Variants in PRDM13 observed in about 807,000 individuals in gnomAD.
PRDM13 encodes the protein PR/SET domain 13.
In PRDM13, 15 loss-of-function variants were observed where a neutral mutation model predicts 36.4. That is an observed-to-expected ratio of 0.41 (90% CI 0.28 to 0.64). The LOEUF (loss-of-function observed/expected upper bound fraction) is 0.64, where lower values mean the gene tolerates loss of function less well. Ranked by LOEUF, PRDM13 falls within the 30% of genes least tolerant of loss-of-function variation. PRDM13 has a pLI of 0.29. For missense variants in PRDM13, 1,044 were observed against 1,013.5 expected (o/e 1.03, Z -0.41); for synonymous variants, 531 against 467.7 (o/e 1.14, Z -1.75).
Position 99,614,658 on chromosome 6 carries a change from G to A in PRDM13, c.2023G>A (p.Glu675Lys). The A allele has an allele frequency of 1.9e-6, 3 of 1,612,240 alleles. No individual in the cohort carries two copies. Among genetic ancestry groups the A allele is most frequent in the Non-Finnish European group, 2.5e-6 (3 of 1,179,704 alleles). Residue 675 changes from glutamate to lysine, a missense_variant, in exon 4 of 4, where the codon GAG becomes AAG. Transcript: ENST00000369215. ...GPGAEPGYPP[E>K]PGDPKSDDSD... ...GGGTGCCGAGCCCGGCTATCCCCCG[G>A]AGCCTGGGGATCCCAAGAGCGACGA... is the stretch of plus-strand genomic sequence containing the variant.
rs763644889 is a variant in PRDM13 at position 99,609,210 on chromosome 6, C to T, written c.300C>T (p.Asp100=). The T allele has an allele frequency of 4.3e-6, 7 of 1,613,550 alleles. No individual in the cohort carries two copies. Among genetic ancestry groups the T allele is most frequent in the African/African-American group, 2.7e-5 (2 of 75,000 alleles). The change falls in exon 3 of 4, where the codon GAC becomes GAT. Residue 100 remains aspartate (D), a synonymous_variant. Transcript: ENST00000369215. ...AGATCTTCTACCGAGCATTGCGAGA[C>T]GTCCAGCCAGGGGAGGAGCTGACAG... The part of the protein sequence containing the change: ...GGQIFYRALR[D]VQPGEELTVW...
rs1770107408 is a variant in PRDM13 at position 99,614,788 on chromosome 6, G to A, written c.*29G>A. Reference sequence around the variant, plus strand: ...GTCTTCCCGGGAAGGGGCGGGGTGAGGACAGAGAGGAGTCGAGGGTTTATT... The same window carrying A: ...GTCTTCCCGGGAAGGGGCGGGGTGAAGACAGAGAGGAGTCGAGGGTTTATT... On this transcript the variant is annotated 3_prime_UTR_variant, in exon 4 of 4. Transcript: ENST00000369215. 1.3e-6 allele frequency: 2 copies of A among 1,533,254 alleles called. No individual in the cohort carries two copies. The highest frequency in any genetic ancestry group is 2.3e-5 in the East Asian group (1 of 44,254). The allele number at this position is 1,533,254 out of a possible 1,614,324, so 95.0% of individuals were successfully genotyped here. A position where few individuals can be genotyped will look rare whatever the true frequency, so the allele number is the denominator to read the frequency against.
Position 99,609,256 on chromosome 6 carries a change from G to A in PRDM13, c.346G>A (p.Ala116Thr). 1.9e-6 allele frequency: 3 copies of A among 1,613,876 alleles called. No homozygotes were observed. Among genetic ancestry groups the A allele is most frequent in the Non-Finnish European group, 2.5e-6 (3 of 1,179,854 alleles). ...GACAGTGTGGTATTCTAACTCCTTG[G>A]CTCAGTGGTTCGACATCCCCACCAC... ...ELTVWYSNSL[A>T]QWFDIPTTAT... Residue 116 changes from alanine (A) to threonine (T), a missense_variant, in exon 3 of 4, where the codon GCT (alanine) becomes ACT (threonine). Transcript: ENST00000369215.
rs770219686 is a variant in PRDM13, at chr6:99,613,913, G to A, written c.1278G>A (p.Ala426=). The A allele has an allele frequency of 1.3e-6, 2 of 1,584,558 alleles. No individual in the cohort carries two copies. The highest frequency in any genetic ancestry group is 1.8e-5 in the Admixed American group (1 of 56,332). ...PGARYAQLPP[A]PGLPLERCAL... is the part of the protein sequence containing the mutation. Reference sequence around the variant, plus strand: ...CGCGTTATGCGCAGCTGCCCCCTGCGCCGGGGTTGCCCCTCGAGCGCTGCG... The same window carrying A: ...CGCGTTATGCGCAGCTGCCCCCTGCACCGGGGTTGCCCCTCGAGCGCTGCG... The change falls in exon 4 of 4, where the codon GCG becomes GCA. Residue 426 remains alanine (A), a synonymous_variant. Transcript: ENST00000369215. This position sits in a 1 kb window ranked among gnomAD's most constrained non-coding sequence, Gnocchi z 6.1.
chr6:99,612,970 GCTTT>G, intron 3 of PRDM13, 59 bp from the exon 4 acceptor site: 2 of 1,590,078 alleles, frequency 1.3e-6, no homozygotes, highest in East Asian at 2.3e-5. Flanking sequence ...GTGCACTGGC[GCTTT>G]CTTTATGTCT....
Position 99,608,769 on chromosome 6 carries a change from A to T in PRDM13, c.173A>T (p.Asp58Val). ...KVRMVRGELV[D>V]ESGGSPLEWI... is the part of the protein sequence containing the mutation. Reference sequence around the variant, plus strand: ...CGCATGGTGAGAGGGGAGCTGGTGGACGAGTCGGGGGGCTCCCCTCTGGAG... The same window carrying T: ...CGCATGGTGAGAGGGGAGCTGGTGGTCGAGTCGGGGGGCTCCCCTCTGGAG... The change falls in exon 2 of 4, where the codon GAC (aspartate) becomes GTC (valine). Residue 58 changes from aspartate to valine, a missense_variant. This residue lies in a region of PRDM13 where 921 missense variants were observed against 865.2 expected (regional missense o/e 1.06). Coordinates refer to ENST00000369215, the MANE Select transcript of PRDM13 (RefSeq NM_021620.4). 1 of 1,611,714 alleles carries T rather than the reference A, an allele frequency of 6.2e-7. No individual in the cohort carries two copies. The highest frequency in any genetic ancestry group is 8.5e-7 in the Non-Finnish European group (1 of 1,179,024).
Position 99,613,537 on chromosome 6 carries a change from C to G in PRDM13, c.902C>G (p.Ala301Gly). ...TCAGCTTTCAAGCCCGCCGGCCTAG[C>G]GAGGGCGGCGGCGGCCGCTCACGGC... ...VRSAFKPAGL[A>G]RAAAAAHGDP... is the part of the protein sequence containing the mutation. The change falls in exon 4 of 4, where the codon GCG becomes GGG. Residue 301 changes from alanine to glycine, a missense_variant. By Grantham distance (60) the Ala-to-Gly change is moderately conservative. This residue lies in a region of PRDM13 where 921 missense variants were observed against 865.2 expected (regional missense o/e 1.06). Coordinates refer to ENST00000369215, the MANE Select transcript of PRDM13 (RefSeq NM_021620.4). The surrounding 1 kb of genome is among the most constrained non-coding windows in gnomAD (Gnocchi z 6.1). 1 of 1,496,642 alleles carries G rather than the reference C, an allele frequency of 6.7e-7. No individual in the cohort carries two copies. Among genetic ancestry groups the G allele is most frequent in the Non-Finnish European group, 8.8e-7 (1 of 1,134,046 alleles). The allele number at this position is 1,496,642 out of a possible 1,614,324, so 92.7% of individuals were successfully genotyped here. A position where few individuals can be genotyped will look rare whatever the true frequency, so the allele number is the denominator to read the frequency against.
chr6:99,613,368 TG>T lies in PRDM13; in HGVS notation c.738del (p.Gln247SerfsTer15). ...PSATSPTPGK[W>X]GQPKKGKEQL... Reference sequence around the variant, plus strand: ...GGCCACCTCGCCGACCCCAGGCAAGTGGGGGCAGCCCAAGAAGGGCAAGGAG... The same window carrying T: ...GGCCACCTCGCCGACCCCAGGCAAGTGGGGCAGCCCAAGAAGGGCAAGGAG... On this transcript the variant is annotated frameshift_variant, in exon 4 of 4. Transcript: ENST00000369215. LOFTEE classifies it low-confidence loss of function (END_TRUNC). The surrounding 1 kb of genome is among the most constrained non-coding windows in gnomAD (Gnocchi z 6.1). 2.6e-6 allele frequency: 4 copies of T among 1,550,200 alleles called. No homozygotes were observed. The highest frequency in any genetic ancestry group is 3.5e-6 in the Non-Finnish European group (4 of 1,154,434).
chr6:99,613,209 C>T lies in PRDM13; in HGVS notation c.574C>T (p.Pro192Ser), dbSNP rs1484480629. 2 of 1,612,202 alleles carry T rather than the reference C, an allele frequency of 1.2e-6. No individual in the cohort carries two copies. Among genetic ancestry groups the T allele is most frequent in the East Asian group, 2.2e-5 (1 of 44,872 alleles). Residue 192 changes from proline to serine, a missense_variant, in exon 4 of 4, where the codon CCA becomes TCA. By Grantham distance (74) the Pro-to-Ser change is moderately conservative. This residue lies in a region of PRDM13 where 921 missense variants were observed against 865.2 expected (regional missense o/e 1.06). Coordinates refer to ENST00000369215, the MANE Select transcript of PRDM13 (RefSeq NM_021620.4). This position sits in a 1 kb window ranked among gnomAD's most constrained non-coding sequence, Gnocchi z 6.1. ...AGCGGCTGATGGCCTCGGTCTCTCC[C>T]CAAAACCCCCGGCGCCCGATTTCGC... ...VPAADGLGLS[P>S]KPPAPDFAAP... is the part of the protein sequence containing the mutation.
chr6:99,612,885 C>G (rs330843), intron 3 of PRDM13, 148 bp from the exon 4 acceptor site: 1 of 1,438,690 alleles, frequency 7.0e-7, no homozygotes, highest in East Asian at 2.5e-5. Flanking sequence ...TCGGGGTCCT[C>G]GATACAGTAG....
Position 99,614,455 on chromosome 6 carries a change from T to C in PRDM13, c.1820T>C (p.Leu607Pro). 6.2e-7 allele frequency: 1 copy of C among 1,613,560 alleles called. No individual in the cohort carries two copies. The highest frequency in any genetic ancestry group is 1.1e-5 in the South Asian group (1 of 91,078). The change falls in exon 4 of 4, where the codon CTG (leucine) becomes CCG (proline). Residue 607 changes from leucine (L) to proline (P), a missense_variant. Leu to Pro is a moderately conservative substitution (Grantham distance 98, BLOSUM62 -3). Coordinates refer to ENST00000369215, the MANE Select transcript of PRDM13 (RefSeq NM_021620.4). The stretch of plus-strand genomic sequence containing the variant: ...AAGCCACTCAAGTGCAAAGTCTGTC[T>C]GCGGCCCTTCGGCGACCCCAGCAAT... The part of the protein sequence containing the change: ...GYKPLKCKVC[L>P]RPFGDPSNLN...
chr6:99,613,614 G>A lies in PRDM13; in HGVS notation c.979G>A (p.Gly327Ser), dbSNP rs1050548927. Residue 327 changes from glycine (G) to serine (S), a missense_variant, in exon 4 of 4, where the codon GGC becomes AGC. Around this residue, in one of 3 missense-constraint regions of PRDM13, gnomAD observed 921 missense variants for 865.2 expected, o/e 1.06. Coordinates refer to ENST00000369215, the MANE Select transcript of PRDM13 (RefSeq NM_021620.4). The surrounding 1 kb of genome is among the most constrained non-coding windows in gnomAD (Gnocchi z 6.1). ...CAAGCAAGGAGCCGGCCTCGCTTTG[G>A]GCAGGCTGCTGGGCGGGGGCCGGGC... ...SSKQGAGLAL[G>S]RLLGGGRACG... 2.6e-5 allele frequency: 39 copies of A among 1,479,558 alleles called. No homozygotes were observed. The highest frequency in any genetic ancestry group is 3.5e-5 in the Non-Finnish European group (39 of 1,126,202). The allele number at this position is 1,479,558 out of a possible 1,614,324, so 91.7% of individuals were successfully genotyped here.
chr6:99,612,245 G>C (rs868020293), intron 3 of PRDM13, among the ~76,000 whole-genome samples: 1 of 152,114 alleles, frequency 6.6e-6, no homozygotes, highest in East Asian at 1.9e-4. Flanking sequence ...TAATTACCAA[G>C]TGGCAGACAA....
In PRDM13 at chr6:99,609,226, G is replaced by C. The variant is rs778699519; in HGVS notation, c.316G>C (p.Glu106Gln). 38 of 1,613,272 alleles carry C rather than the reference G, an allele frequency of 2.4e-5. No homozygotes were observed. The highest frequency in any genetic ancestry group is 2.9e-5 in the Non-Finnish European group (34 of 1,179,466). The part of the protein sequence containing the change: ...RALRDVQPGE[E>Q]LTVWYSNSLA... ...ATTGCGAGACGTCCAGCCAGGGGAG[G>C]AGCTGACAGTGTGGTATTCTAACTC... Residue 106 changes from glutamate (E) to glutamine (Q), a missense_variant, in exon 3 of 4, where the codon GAG becomes CAG. This residue lies in a region of PRDM13 where 921 missense variants were observed against 865.2 expected (regional missense o/e 1.06). Coordinates refer to ENST00000369215, the MANE Select transcript of PRDM13 (RefSeq NM_021620.4).
At chr6:99,607,347 G>A (rs1333953442) in intron 1 of PRDM13, 169 bp downstream of exon 1, 1 of 1,086,948 alleles carries the variant, frequency 9.2e-7, no homozygotes, top group Non-Finnish European at 1.3e-6. Flanking sequence ...CTTTAACTGT[G>A]AGAGCTGGAC....
chr6:99,609,339 G>C, intron 3 of PRDM13, 32 bp downstream of exon 3: 1 of 1,610,558 alleles, frequency 6.2e-7, no homozygotes, highest in Non-Finnish European at 8.5e-7. Flanking sequence ...ATGGGCAAAA[G>C]TCCAGCCCTC....
At chr6:99,609,662 G>A (rs911805024) in intron 3 of PRDM13, among the ~76,000 whole-genome samples, 4 of 152,088 alleles carry the variant, frequency 2.6e-5, no homozygotes, top group Admixed American at 2.6e-4. Context: ...GAGGTAGGAG[G>A]ATCACTTGAG....
chr6:99,609,853 G>T (rs185111152), intron 3 of PRDM13, among the ~76,000 whole-genome samples: 1 of 152,002 alleles, frequency 6.6e-6, no homozygotes, highest in Admixed American at 6.5e-5. Flanking sequence ...ACCACTGCAT[G>T]CCAGCCTGGG....
chr6:99,612,011 G>A (rs1436716992), intron 3 of PRDM13, among the ~76,000 whole-genome samples: 1 of 151,856 alleles, frequency 6.6e-6, no homozygotes, highest in Non-Finnish European at 1.5e-5. Context: ...CACAAACTCG[G>A]GCAAAATGAA....
Sources: gnomAD v4.1 joint callset for allele counts (sites outside exome capture counted in the v4.1 genomes callset) on GRCh38, gnomAD v4.1.1 for gene constraint, gnomAD v4.1.1 regional missense constraint, Gnocchi (gnomAD v3.1) non-coding constraint, MANE v1.5 for transcripts, NCBI Gene and HGNC (gene_info 2026-07-23, HGNC 2026-07-21) for gene names.